The following GRID2 variants were observed in gnomAD, a reference collection of about 807,000 sequenced individuals.
GRID2 encodes the protein glutamate ionotropic receptor delta type subunit 2.
GRID2 carries 33 observed loss-of-function variants against 114.8 expected under a neutral mutation model. The ratio of observed to expected loss-of-function variants is 0.29; its 90% confidence interval spans 0.22 to 0.38. GRID2 has a LOEUF of 0.38. GRID2 is among the 10% of genes least tolerant of loss of function. The pLI is 1.00. For synonymous variants in GRID2, 505 were observed against 449.9 expected (o/e 1.12, Z -1.55); for missense variants, 1,184 against 1,257.7 (o/e 0.94, Z 0.89).
intron 4 of GRID2, among the ~76,000 whole-genome samples, chr4:93,162,283 A>G (rs1009504580): frequency 2.0e-5 from 3 of 152,012 alleles, no homozygotes; most frequent in Non-Finnish European, 2.9e-5. Context: ...GCTTAATTAA[A>G]TTGTATATAT....
rs538247370 is a variant in GRID2, at chr4:92,802,828, C to G, written c.244+212542C>G. On this transcript the variant is annotated intron_variant, in intron 2 of 15. Transcript: ENST00000282020. Reference sequence around the variant, plus strand: ...GTTGCTGATTGTGTTATTACCAGGCCTCTTCATTCCAATGGGAGGAGGTTA... The same window carrying G: ...GTTGCTGATTGTGTTATTACCAGGCGTCTTCATTCCAATGGGAGGAGGTTA... 2.6e-5 allele frequency among the ~76,000 whole-genome samples: 4 copies of G among 152,020 alleles called. No homozygotes were observed. In the South Asian group the frequency reaches 8.3e-4, roughly 31 times the overall value.
chr4:92,611,391 C>G (rs919391397), intron 2 of GRID2, among the ~76,000 whole-genome samples: 2 of 151,416 alleles, frequency 1.3e-5, no homozygotes, highest in Non-Finnish European at 3.0e-5. Context: ...TGTGCTCAAG[C>G]CCTCTGATTT....
intron 14 of GRID2, among the ~76,000 whole-genome samples, chr4:93,694,450 T>C (rs1293293076): frequency 3.0e-4 from 45 of 152,248 alleles, no homozygotes; most frequent in Non-Finnish European, 1.5e-5. Flanking sequence ...GCTACTGTCA[T>C]GTATAGGCCT....
chr4:92,572,259 C>G (rs1439458796), intron 1 of GRID2, among the ~76,000 whole-genome samples: 1 of 152,072 alleles, frequency 6.6e-6, no homozygotes, highest in Non-Finnish European at 1.5e-5. Flanking sequence ...AAACACCTCT[C>G]TGCAAATAAA....
intron 1 of GRID2, among the ~76,000 whole-genome samples, chr4:92,331,318 T>G (rs1726877851): frequency 6.6e-6 from 1 of 152,164 alleles, no homozygotes; most frequent in African/African-American, 2.4e-5. Context: ...AGTCTGAAAT[T>G]TAGACATTAG....
At chr4:93,230,329 T>C (rs1187689358) in intron 7 of GRID2, among the ~76,000 whole-genome samples, 1 of 152,152 alleles carries the variant, frequency 6.6e-6, no homozygotes, top group Non-Finnish European at 1.5e-5. Context: ...TACATTGATA[T>C]CACTGTCAAA....
At chr4:92,721,218 G>T (rs1334388674) in intron 2 of GRID2, among the ~76,000 whole-genome samples, 4 of 152,040 alleles carry the variant, frequency 2.6e-5, no homozygotes, top group Non-Finnish European at 5.9e-5. Context: ...GAAGGAATAA[G>T]CTCTGGAGAA....
At chr4:93,460,941 G>A (rs1580149777) in intron 11 of GRID2, among the ~76,000 whole-genome samples, 3 of 152,214 alleles carry the variant, frequency 2.0e-5, no homozygotes, top group Admixed American at 6.5e-5. Flanking sequence ...TTGTGAAGAC[G>A]TTGACATACT....
At chr4:92,856,228 G>C (rs557404289) in intron 2 of GRID2, among the ~76,000 whole-genome samples, 2 of 151,854 alleles carry the variant, frequency 1.3e-5, no homozygotes, top group African/African-American at 4.8e-5. Context: ...CAATTTACAC[G>C]ACATATTTTT....
intron 11 of GRID2, among the ~76,000 whole-genome samples, chr4:93,490,185 C>T (rs1176809491): frequency 6.6e-6 from 1 of 151,640 alleles, no homozygotes; most frequent in Non-Finnish European, 1.5e-5. Context: ...ATGTGTGATC[C>T]CATGATCATT....
At chr4:93,609,275 T>C (rs1740679394) in intron 13 of GRID2, among the ~76,000 whole-genome samples, 1 of 81,280 alleles carries the variant, frequency 1.2e-5, no homozygotes, top group East Asian at 2.3e-4. Context: ...CTGTTCACTC[T>C]GATGGTAGTT....
At chr4:92,806,325 C>T (rs1162020828) in intron 2 of GRID2, among the ~76,000 whole-genome samples, 1 of 151,668 alleles carries the variant, frequency 6.6e-6, no homozygotes, top group Admixed American at 6.6e-5. Context: ...TTTAAAAATA[C>T]ACTGGAGACT....
intron 1 of GRID2, among the ~76,000 whole-genome samples, chr4:92,420,322 A>G (rs1024488773): frequency 1.3e-5 from 2 of 152,170 alleles, no homozygotes; most frequent in African/African-American, 2.4e-5. Context: ...AACACCTAAT[A>G]TGGTGTTATG....
intron 1 of GRID2, among the ~76,000 whole-genome samples, chr4:92,386,785 C>A (rs931012036): frequency 1.3e-5 from 2 of 151,628 alleles, no homozygotes; most frequent in Non-Finnish European, 3.0e-5. Context: ...GCAATTAATA[C>A]AAAATATTTT....
At chr4:92,559,816 G>A (rs906591986) in intron 1 of GRID2, among the ~76,000 whole-genome samples, 1 of 152,102 alleles carries the variant, frequency 6.6e-6, no homozygotes, top group Non-Finnish European at 1.5e-5. Flanking sequence ...AGCAGTTACT[G>A]AACACTGAGA....
At chr4:92,485,343 TATATA>T (rs1224618578) in intron 1 of GRID2, among the ~76,000 whole-genome samples, 1,524 of 65,266 alleles carry the variant, frequency 0.023, 8 homozygotes, top group Non-Finnish European at 0.039. Flanking sequence ...TATATATATA[TATATA>T]GTGTGTGTGT....
chr4:92,954,520 A>G (rs1752250023), intron 2 of GRID2, among the ~76,000 whole-genome samples: 1 of 151,524 alleles, frequency 6.6e-6, no homozygotes, highest in African/African-American at 2.4e-5. Flanking sequence ...TCCACCTCCC[A>G]GGTTCGCGCC....
chr4:92,843,106 G>A (rs1256879884), intron 2 of GRID2, among the ~76,000 whole-genome samples: 1 of 151,922 alleles, frequency 6.6e-6, no homozygotes, highest in African/African-American at 2.4e-5. Flanking sequence ...ACCCAGGAGG[G>A]GTAACACATA....
chr4:92,763,618 C>T (rs1458948020), intron 2 of GRID2, among the ~76,000 whole-genome samples: 1 of 152,162 alleles, frequency 6.6e-6, no homozygotes, highest in Non-Finnish European at 1.5e-5. Context: ...ATATAAGTGA[C>T]TTGAGCACTG....
Sources: allele counts gnomAD v4.1 joint callset (sites outside exome capture counted in the v4.1 genomes callset), GRCh38; gene constraint gnomAD v4.1.1; transcripts MANE v1.5; gene names NCBI Gene and HGNC (gene_info 2026-07-23, HGNC 2026-07-21).